The following MGLL variants were observed in gnomAD, a reference collection of about 807,000 sequenced individuals.
MGLL encodes lysophospholipase homolog.
In MGLL, 7 loss-of-function variants were observed where a neutral mutation model predicts 29.1. The observed-to-expected ratio is 0.24, with a 90% CI of 0.14 to 0.45. The LOEUF (loss-of-function observed/expected upper bound fraction) is 0.45. MGLL is among the 20% of genes least tolerant of loss of function. The pLI is 0.99. For synonymous variants in MGLL, 148 were observed against 168.3 expected (o/e 0.88, Z 0.93); for missense variants, 356 against 413.6 (o/e 0.86, Z 1.21).
chr3:127,726,304 GAGGGAGAGAAAGAA>G lies in MGLL; in HGVS notation c.263-3752_263-3739del, dbSNP rs1294050103. On this transcript the variant is annotated intron_variant, in intron 3 of 7. Transcript: ENST00000265052. ...AGAGGAAGGAAGGAAGGGAGGGAGG[GAGGGAGAGAAAGAA>G]AGAGAAAGAAAGAAAGAGGAAAGAA... 2.8e-4 allele frequency among the ~76,000 whole-genome samples: 39 copies of G among 139,558 alleles called. 1 individual carries two copies. Among genetic ancestry groups the G allele is most frequent in the East Asian group, 2.3e-4 (1 of 4,350 alleles). 91.6% of individuals were successfully genotyped at this position (139,558 alleles called of 152,430 possible).
At chr3:127,786,762 G>A (rs1253869573) in intron 2 of MGLL, among the ~76,000 whole-genome samples, 1 of 152,214 alleles carries the variant, frequency 6.6e-6, no homozygotes, top group Admixed American at 6.5e-5. Flanking sequence ...ACCGACCTCA[G>A]AGAGCAATGT....
At chr3:127,718,682 AAAG>A (rs1576498013) in intron 5 of MGLL, among the ~76,000 whole-genome samples, 1 of 152,310 alleles carries the variant, frequency 6.6e-6, no homozygotes, top group South Asian at 2.1e-4. Flanking sequence ...TTTGTGTGAA[AAAG>A]AAGAACAAAT....
chr3:127,816,972 G>A (rs144428674), intron 2 of MGLL, among the ~76,000 whole-genome samples: 27 of 152,346 alleles, frequency 1.8e-4, no homozygotes, highest in African/African-American at 4.3e-4. Flanking sequence ...TGTCACCGAC[G>A]GGAAAATCCT....
At chr3:127,739,513 C>A (rs1290993204) in intron 3 of MGLL, among the ~76,000 whole-genome samples, 2 of 152,192 alleles carry the variant, frequency 1.3e-5, no homozygotes, top group African/African-American at 4.8e-5. Flanking sequence ...GGAAGACCTC[C>A]AAGAGCCACT....
rs1276310432 is a variant in MGLL at position 127,692,126 on chromosome 3, A to G, written c.*72T>C. On this transcript the variant is annotated 3_prime_UTR_variant, in exon 8 of 8. Coordinates refer to ENST00000265052, the MANE Select transcript of MGLL (RefSeq NM_007283.7). Reference sequence around the variant, plus strand: ...TTTTTTTTTTTTTTTGGCAAGCCATATCTGAGAAGCCATCTCTGCCCTTCC... The same window carrying G: ...TTTTTTTTTTTTTTTGGCAAGCCATGTCTGAGAAGCCATCTCTGCCCTTCC... The G allele has an allele frequency of 3.5e-6, 4 of 1,147,196 alleles. No individual in the cohort carries two copies. The highest frequency in any genetic ancestry group is 6.1e-4 in the Middle Eastern group (2 of 3,276). 71.1% of individuals were successfully genotyped at this position (1,147,196 alleles called of 1,614,324 possible).
chr3:127,698,595 G>A (rs184398981), intron 6 of MGLL, among the ~76,000 whole-genome samples: 3 of 152,254 alleles, frequency 2.0e-5, no homozygotes, highest in Admixed American at 2.0e-4. Flanking sequence ...GGTGTGGGGC[G>A]AGTGGGGAGG....
intron 3 of MGLL, among the ~76,000 whole-genome samples, chr3:127,726,062 CA>C (rs142043194): frequency 0.41 from 47,404 of 116,784 alleles, 9,458 homozygotes; most frequent in Non-Finnish European, 0.5. Flanking sequence ...GACCCTATCT[CA>C]AAAAAAAAAA....
rs1303994798 is a variant in MGLL at position 127,691,407 on chromosome 3, C to G, written c.*791G>C. On this transcript the variant is annotated 3_prime_UTR_variant, in exon 8 of 8. Transcript: ENST00000265052. ...CATTATATATTAGACATTTCATCTT[C>G]AATATGATTCTCTCATAGCATCAGG... 6.6e-6 allele frequency: 1 copy of G among 152,258 alleles called. No homozygotes were observed. The highest frequency in any genetic ancestry group is 1.5e-5 in the Non-Finnish European group (1 of 68,080). The allele number at this position is 152,258 out of a possible 1,614,324, so 9.4% of individuals were successfully genotyped here.
In MGLL at chr3:127,781,867, C is replaced by T. The variant is rs777974336; in HGVS notation, c.184G>A (p.Gly62Arg). ...TCTTCATAGCGGCCACTGTGCTCTC[C>T]GGCTCCATGGGACACAAAGATGAGG... ...KALIFVSHGA[G>R]EHSGRYEELA... The change falls in exon 3 of 8, where the codon GGA (glycine) becomes AGA (arginine). Residue 62 changes from glycine to arginine, a missense_variant. Physicochemically the swap from Gly to Arg is moderately radical, Grantham distance 125 (BLOSUM62 -2). Coordinates refer to ENST00000265052, the MANE Select transcript of MGLL (RefSeq NM_007283.7). 7 of 1,614,038 alleles carry T rather than the reference C, an allele frequency of 4.3e-6. No homozygotes were observed. The highest frequency in any genetic ancestry group is 1.7e-5 in the Admixed American group (1 of 60,022).
intron 3 of MGLL, among the ~76,000 whole-genome samples, chr3:127,765,271 C>T (rs898272714): frequency 1.3e-5 from 2 of 152,184 alleles, no homozygotes; most frequent in African/African-American, 4.8e-5. Flanking sequence ...TTCTGGGGAC[C>T]TAGAGTGATG....
chr3:127,792,617 C>T (rs1356413208), intron 2 of MGLL, among the ~76,000 whole-genome samples: 4 of 152,148 alleles, frequency 2.6e-5, no homozygotes, highest in African/African-American at 9.6e-5. Context: ...GCAGGAGAAT[C>T]ACTTGAACCC....
chr3:127,816,402 C>A (rs1047960839), intron 2 of MGLL, among the ~76,000 whole-genome samples: 1 of 152,176 alleles, frequency 6.6e-6, no homozygotes, highest in Non-Finnish European at 1.5e-5. Context: ...GCCAGTCCCA[C>A]CTTTGAGGAC....
chr3:127,751,760 T>C (rs75350089), intron 3 of MGLL, among the ~76,000 whole-genome samples: 3,360 of 152,032 alleles, frequency 0.022, 134 homozygotes, highest in African/African-American at 0.076. Flanking sequence ...CCCCAAAAAA[T>C]AAAATAAAAC....
At chr3:127,743,630 G>A (rs1211846160) in intron 3 of MGLL, among the ~76,000 whole-genome samples, 1 of 148,702 alleles carries the variant, frequency 6.7e-6, no homozygotes, top group African/African-American at 2.5e-5. Flanking sequence ...AACAAAGGGA[G>A]GCTCAAAGTC....
chr3:127,727,343 T>C (rs1414706786), intron 3 of MGLL, among the ~76,000 whole-genome samples: 2 of 152,198 alleles, frequency 1.3e-5, no homozygotes, highest in African/African-American at 4.8e-5. Flanking sequence ...AAAAACTTAA[T>C]TCTTTTTTTT....
intron 4 of MGLL, among the ~76,000 whole-genome samples, chr3:127,722,097 G>A (rs1290660530): frequency 1.3e-5 from 2 of 152,212 alleles, no homozygotes; most frequent in African/African-American, 4.8e-5. Context: ...CATTTCATGT[G>A]CTTCTTATTG....
At chr3:127,696,745 C>T (rs1274719221) in intron 6 of MGLL, among the ~76,000 whole-genome samples, 1 of 152,074 alleles carries the variant, frequency 6.6e-6, no homozygotes, top group African/African-American at 2.4e-5. Flanking sequence ...GTTTGTCATC[C>T]TTGCCAGTGG....
chr3:127,779,319 A>G (rs925713617), intron 3 of MGLL, among the ~76,000 whole-genome samples: 13 of 152,144 alleles, frequency 8.5e-5, no homozygotes. Context: ...GTGAGTTGAG[A>G]TCACGCCACT....
chr3:127,715,877 C>A, intron 5 of MGLL: 1 of 454,078 alleles, frequency 2.2e-6, no homozygotes. Flanking sequence ...GAATCCAAAA[C>A]TTTAACATTC....
Sources: allele counts gnomAD v4.1 joint callset (sites outside exome capture counted in the v4.1 genomes callset), GRCh38; gene constraint gnomAD v4.1.1; transcripts MANE v1.5; gene names NCBI Gene and HGNC (gene_info 2026-07-23, HGNC 2026-07-21).